The following DOCK7 variants were observed in gnomAD, a reference collection of about 807,000 sequenced individuals.
DOCK7 encodes the protein dedicator of cytokinesis 7.
A neutral mutation model predicts 271.0 loss-of-function variants in DOCK7; 138 were observed. The ratio of observed to expected loss-of-function variants is 0.51; its 90% confidence interval spans 0.44 to 0.59. DOCK7 has a LOEUF of 0.59. Ranked by LOEUF, DOCK7 falls within the 20% of genes least tolerant of loss-of-function variation. The probability of loss-of-function intolerance (pLI) is 0.00; values close to 1 mark genes in which losing one functional copy is unlikely to be tolerated. For missense variants in DOCK7, 2,066 were observed against 2,592.4 expected, an observed-to-expected ratio of 0.80 and a Z score of 4.41; for synonymous variants, 823 against 876.1, an observed-to-expected ratio of 0.94 and a Z score of 1.07.
intron 16 of DOCK7, among the ~76,000 whole-genome samples, chr1:62,582,283 G>A (rs1018092259): frequency 1.3e-5 from 2 of 152,066 alleles, no homozygotes; most frequent in Non-Finnish European, 2.9e-5. Context: ...GGGCGCGGTG[G>A]CTCACGCCTG....
intron 29 of DOCK7, among the ~76,000 whole-genome samples, chr1:62,529,972 T>G (rs1461274549): frequency 6.6e-6 from 1 of 152,152 alleles, no homozygotes; most frequent in Non-Finnish European, 1.5e-5. Context: ...CTCATTTGGG[T>G]CCTTACAACT....
intron 14 of DOCK7, among the ~76,000 whole-genome samples, chr1:62,611,750 TATA>T: frequency 6.6e-6 from 1 of 152,138 alleles, no homozygotes; most frequent in East Asian, 1.9e-4. Context: ...TTAATCAGTA[TATA>T]ATAAGCTTAT....
At chr1:62,576,386 G>A (rs1397190362) in intron 18 of DOCK7, among the ~76,000 whole-genome samples, 1 of 152,178 alleles carries the variant, frequency 6.6e-6, no homozygotes, top group Non-Finnish European at 1.5e-5. Flanking sequence ...AGAGGGAAGA[G>A]CAAAGGGCCT....
At chr1:62,672,196 T>C (rs1165465041) in intron 1 of DOCK7, among the ~76,000 whole-genome samples, 1 of 152,134 alleles carries the variant, frequency 6.6e-6, no homozygotes. Context: ...ATTACATATA[T>C]AAGAAATCCT....
At chr1:62,550,381 T>G (rs891556743) in intron 22 of DOCK7, among the ~76,000 whole-genome samples, 2 of 152,154 alleles carry the variant, frequency 1.3e-5, no homozygotes, top group Non-Finnish European at 2.9e-5. Flanking sequence ...TATCAAAGTC[T>G]TCTTCTGATG....
At chr1:62,653,646 T>C in intron 4 of DOCK7, 79 bp downstream of exon 4, 1 of 949,790 alleles carries the variant, frequency 1.1e-6, no homozygotes. Flanking sequence ...TCAGGTCTCA[T>C]AAACATTACG....
Position 62,688,367 on chromosome 1 carries a change from C to T in DOCK7, c.-103G>A. The T allele has an allele frequency of 1.4e-6, 1 of 735,446 alleles. No homozygotes were observed. The highest frequency in any genetic ancestry group is 1.8e-6 in the Non-Finnish European group (1 of 556,266). The allele number at this position is 735,446 out of a possible 1,614,324, so 45.6% of individuals were successfully genotyped here. A position where few individuals can be genotyped will look rare whatever the true frequency, so the allele number is the denominator to read the frequency against. On this transcript the variant is annotated 5_prime_UTR_variant, in exon 1 of 50. Coordinates refer to ENST00000635253, the MANE Select transcript of DOCK7 (RefSeq NM_001367561.1). ...CGTGCTCCCTCCCTCGCGGCCTCCG[C>T]CAGTCCGGGCTCCGGACCTGGGAGG...
intron 16 of DOCK7, among the ~76,000 whole-genome samples, chr1:62,581,432 G>C (rs1251056306): frequency 6.6e-6 from 1 of 152,108 alleles, no homozygotes; most frequent in Non-Finnish European, 1.5e-5. Flanking sequence ...TAAAAATGGA[G>C]AGTAAGAAAG....
At chr1:62,471,867 T>G (rs966977022) in intron 48 of DOCK7, among the ~76,000 whole-genome samples, 1 of 152,182 alleles carries the variant, frequency 6.6e-6, no homozygotes, top group Admixed American at 6.5e-5. Flanking sequence ...AAGTATATTA[T>G]GACTACAGTA....
intron 48 of DOCK7, among the ~76,000 whole-genome samples, chr1:62,461,287 T>G (rs1645517673): frequency 6.6e-6 from 1 of 152,102 alleles, no homozygotes; most frequent in South Asian, 2.1e-4. Context: ...ACAGATAAAT[T>G]ATTAGAATTA....
At chr1:62,596,222 T>G (rs1649225238) in intron 14 of DOCK7, among the ~76,000 whole-genome samples, 1 of 152,148 alleles carries the variant, frequency 6.6e-6, no homozygotes, top group Non-Finnish European at 1.5e-5. Context: ...GTACTATAAT[T>G]ACCCCAGCTT....
At chr1:62,533,686 C>T (rs1392902605) in intron 29 of DOCK7, among the ~76,000 whole-genome samples, 1 of 152,084 alleles carries the variant, frequency 6.6e-6, no homozygotes, top group Non-Finnish European at 1.5e-5. Context: ...TAGGAAGTTG[C>T]CATTATAAAA....
intron 29 of DOCK7, among the ~76,000 whole-genome samples, chr1:62,532,010 G>T (rs1191961513): frequency 6.6e-6 from 1 of 152,076 alleles, no homozygotes; most frequent in African/African-American, 2.4e-5. Flanking sequence ...ACTAAAACAG[G>T]GTTACATGGC....
chr1:62,567,465 C>G (rs1243393089), intron 18 of DOCK7, among the ~76,000 whole-genome samples: 1 of 151,744 alleles, frequency 6.6e-6, no homozygotes, highest in African/African-American at 2.4e-5. Flanking sequence ...CCAAACACCA[C>G]ATGTTCTCAC....
At chr1:62,685,718 G>A (rs150229972) in intron 1 of DOCK7, among the ~76,000 whole-genome samples, 11 of 152,174 alleles carry the variant, frequency 7.2e-5, no homozygotes, top group African/African-American at 2.6e-4. Flanking sequence ...CATCCCACTT[G>A]CATCTCCCAA....
chr1:62,632,961 A>ACTG (rs1654806850), intron 10 of DOCK7, among the ~76,000 whole-genome samples: 1 of 152,054 alleles, frequency 6.6e-6, no homozygotes, highest in African/African-American at 2.4e-5. Flanking sequence ...TGGGTGACAG[A>ACTG]GCAAGACTAT....
At chr1:62,493,728 T>G (rs1235251091) in intron 40 of DOCK7, among the ~76,000 whole-genome samples, 1 of 152,202 alleles carries the variant, frequency 6.6e-6, no homozygotes. Context: ...TTTAACTAAA[T>G]TTTATAATAT....
intron 22 of DOCK7, among the ~76,000 whole-genome samples, chr1:62,550,876 G>C (rs1645879620): frequency 6.6e-6 from 1 of 151,658 alleles, no homozygotes; most frequent in African/African-American, 2.4e-5. Context: ...ATCTGCCGCC[G>C]TGCCTGGCTA....
At chr1:62,593,671 A>G (rs924487554) in intron 14 of DOCK7, among the ~76,000 whole-genome samples, 3 of 152,222 alleles carry the variant, frequency 2.0e-5, no homozygotes, top group Admixed American at 2.0e-4. Context: ...GTGAACACAC[A>G]AAACAGTAAG....
Sources: allele counts gnomAD v4.1 joint callset (sites outside exome capture counted in the v4.1 genomes callset), GRCh38; gene constraint gnomAD v4.1.1; transcripts MANE v1.5; gene names NCBI Gene and HGNC (gene_info 2026-07-23, HGNC 2026-07-21).